The following GH1 variants were observed in gnomAD, a reference collection of about 807,000 sequenced individuals.
GH1 encodes the protein somatotropin.
GH1 carries 13 observed loss-of-function variants against 24.5 expected under a neutral mutation model. The observed-to-expected ratio is 0.53, with a 90% CI of 0.35 to 0.85. GH1 has a LOEUF of 0.85. Among genes scored for constraint, GH1 ranks in the 40% least tolerant of loss-of-function variants. The probability of loss-of-function intolerance (pLI) is 0.01; values close to 1 mark genes in which losing one functional copy is unlikely to be tolerated. For synonymous variants in GH1, 126 were observed against 116.3 expected (o/e 1.08, Z -0.54); for missense variants, 294 against 273.2 (o/e 1.08, Z -0.54).
Position 63,918,367 on chromosome 17 carries a change from G to A in GH1, c.150C>T (p.Ala50=). Residue 50 remains alanine, a synonymous_variant, in exon 2 of 5, where the codon GCC becomes GCT. Transcript: ENST00000323322. ...MLRAHRLHQL[A]FDTYQEFEEA... ...TTACAAACTCCTGGTAGGTGTCAAA[G>A]GCCAGCTGGTGCAGACGATGGGCGC... The A allele has an allele frequency of 1.2e-6, 2 of 1,614,202 alleles. No homozygotes were observed. The highest frequency in any genetic ancestry group is 1.7e-6 in the Non-Finnish European group (2 of 1,180,030).
rs756208586 is a variant in GH1, at chr17:63,917,951, G to A, written c.292-27C>T. 6.8e-6 allele frequency: 11 copies of A among 1,614,098 alleles called. No homozygotes were observed. In the African/African-American group the frequency reaches 1.5e-4, roughly 22 times the overall value. ...TGCAGGGGAAGGACGGGCATTGGCT[G>A]TGCTGCCCGGGGGCTCTGACTACAG... On this transcript the variant is annotated intron_variant, in intron 3 of 4. Coordinates refer to ENST00000323322, the MANE Select transcript of GH1 (RefSeq NM_000515.5).
chr17:63,918,405 T>C lies in GH1; in HGVS notation c.112A>G (p.Asn38Asp). 3 of 1,614,098 alleles carry C rather than the reference T, an allele frequency of 1.9e-6. No homozygotes were observed. The highest frequency in any genetic ancestry group is 1.7e-6 in the Non-Finnish European group (2 of 1,180,018). The part of the protein sequence containing the change: ...PTIPLSRLFD[N>D]AMLRAHRLHQ... ...AGACGATGGGCGCGGAGCATAGCGT[T>C]GTCAAAAAGCCTGGATAAGGGAATG... Residue 38 changes from asparagine to aspartate, a missense_variant, in exon 2 of 5, where the codon AAC becomes GAC. Coordinates refer to ENST00000323322, the MANE Select transcript of GH1 (RefSeq NM_000515.5).
Position 63,918,148 on chromosome 17 carries a change from A to G in GH1, c.172-12T>C. 6.2e-7 allele frequency: 1 copy of G among 1,613,742 alleles called. No homozygotes were observed. The highest frequency in any genetic ancestry group is 1.1e-5 in the South Asian group (1 of 91,044). ...ATATAGGCTTCTTCCTAGGAGAAGGACCGCCCACCAAGGTCTACGCTGGAG... is the reference window on the plus strand; with the variant it reads ...ATATAGGCTTCTTCCTAGGAGAAGGGCCGCCCACCAAGGTCTACGCTGGAG... On this transcript the variant is annotated splice_polypyrimidine_tract_variant and intron_variant, in intron 2 of 4. Transcript: ENST00000323322.
intron 2 of GH1, 65 bp downstream of exon 2, chr17:63,918,281 T>C: frequency 1.2e-6 from 2 of 1,611,562 alleles, no homozygotes; most frequent in Non-Finnish European, 1.7e-6. Flanking sequence ...TCCTCTTATT[T>C]CCCAGCGGGG....
At chr17:63,918,307 C>T (rs999337277) in intron 2 of GH1, 39 bp downstream of exon 2, 22 of 1,613,410 alleles carry the variant, frequency 1.4e-5, no homozygotes, top group Middle Eastern at 1.6e-4. Context: ...TCACCCCTTC[C>T]TGCCACCCCT....
intron 2 of GH1, 94 bp downstream of exon 2, chr17:63,918,252 C>T: frequency 6.2e-7 from 1 of 1,610,984 alleles, no homozygotes; most frequent in South Asian, 1.1e-5. Context: ...CGGGAAAAAC[C>T]CTGAGCTCCT....
intron 1 of GH1, 27 bp downstream of exon 1, chr17:63,918,740 G>A (rs1368298197): frequency 6.2e-7 from 1 of 1,613,874 alleles, no homozygotes; most frequent in Non-Finnish European, 8.5e-7. Context: ...GACACATTGT[G>A]CCCAAAGGGA....
chr17:63,917,741 C>A lies in GH1; in HGVS notation c.456+19G>T, dbSNP rs61735351. The A allele has an allele frequency of 4.6e-3, 7,381 of 1,614,140 alleles. 273 individuals are homozygous for A. The African/African-American group carries it at 0.086, about 19-fold the overall frequency. ...GTCAGTGGGGCTCCAGGATTGGGGACCCCTGGCGCCACCCTCACCCCCATC... is the reference window on the plus strand; with the variant it reads ...GTCAGTGGGGCTCCAGGATTGGGGAACCCTGGCGCCACCCTCACCCCCATC... On this transcript the variant is annotated intron_variant, in intron 4 of 4. Coordinates refer to ENST00000323322, the MANE Select transcript of GH1 (RefSeq NM_000515.5).
chr17:63,918,653 G>A (rs1210783318), intron 1 of GH1, 114 bp downstream of exon 1: 28 of 1,609,916 alleles, frequency 1.7e-5, no homozygotes, highest in Middle Eastern at 2.2e-4. Flanking sequence ...CTTACATGGC[G>A]ATACTCACAT....
In GH1 at chr17:63,917,856, C is replaced by T. The variant is rs1907443762; in HGVS notation, c.360G>A (p.Arg120=). The change falls in exon 4 of 5, where the codon AGG becomes AGA. Residue 120 remains arginine, a synonymous_variant. Transcript: ENST00000323322. ...ACACCAGGCTGTTGGCGAAGACACT[C>T]CTGAGGAACTGCACGGGCTCCAGCC... ...QSWLEPVQFL[R]SVFANSLVYG... is the part of the protein sequence containing the mutation. 3 of 1,614,174 alleles carry T rather than the reference C, an allele frequency of 1.9e-6. No individual in the cohort carries two copies. In the East Asian group the frequency reaches 6.7e-5, roughly 36 times the overall value.
In GH1 at chr17:63,918,803, C is replaced by A. The variant is rs754099689; in HGVS notation, c.-27G>T. On this transcript the variant is annotated 5_prime_UTR_variant, in exon 1 of 5. Transcript: ENST00000323322. ...GCAGCTAGGTGAGCTGTCCACAGGA[C>A]CCTGAGTGGTTCGGGGAGTTGGGCC... 7.4e-5 allele frequency: 120 copies of A among 1,613,856 alleles called. No individual in the cohort carries two copies. The highest frequency in any genetic ancestry group is 2.3e-5 in the Non-Finnish European group (27 of 1,179,872).
Position 63,917,774 on chromosome 17 carries a change from G to C in GH1, c.442C>G (p.Gln148Glu), listed in dbSNP as rs1392313432. 1.2e-6 allele frequency: 2 copies of C among 1,614,204 alleles called. No homozygotes were observed. The highest frequency in any genetic ancestry group is 1.1e-5 in the South Asian group (1 of 91,076). The change falls in exon 4 of 5, where the codon CAA becomes GAA. Residue 148 changes from glutamine (Q) to glutamate (E), a missense_variant. Transcript: ENST00000323322. ...DLLKDLEEGI[Q>E]TLMGRLEDGS... ...GCCACCCTCACCCCCATCAGCGTTT[G>C]GATGCCTTCCTCTAGGTCCTTTAGG...
rs377027593 is a variant in GH1, at chr17:63,917,870, C to T, written c.346G>A (p.Val116Met). 8.1e-6 allele frequency: 13 copies of T among 1,614,036 alleles called. No homozygotes were observed. The highest frequency in any genetic ancestry group is 5.3e-5 in the African/African-American group (4 of 74,908). ...GCGAAGACACTCCTGAGGAACTGCA[C>T]GGGCTCCAGCCACGACTGGATGAGC... ...LLLIQSWLEP[V>M]QFLRSVFANS... is the part of the protein sequence containing the mutation. Residue 116 changes from valine (V) to methionine (M), a missense_variant, in exon 4 of 5, where the codon GTG becomes ATG. By Grantham distance (21) the Val-to-Met change is conservative. Transcript: ENST00000323322.
Position 63,917,670 on chromosome 17 carries a change from A to T in GH1, c.456+90T>A, listed in dbSNP as rs2665802. On this transcript the variant is annotated intron_variant, in intron 4 of 4. Transcript: ENST00000323322. ...GTGAGTTCTCTTGGGTCAGGGCCTG[A>T]CTGCTAAAAAGAGGGCAGCAGTGTT... The T allele has an allele frequency of 0.39, 624,579 of 1,613,692 alleles. 125,177 individuals carry two copies. The highest frequency in any genetic ancestry group is 0.41 in the East Asian group (18,525 of 44,880).
chr17:63,918,770 T>G lies in GH1; in HGVS notation c.7A>C (p.Thr3Pro), dbSNP rs2001345. Residue 3 changes from threonine to proline, a missense_variant, in exon 1 of 5, where the codon ACA becomes CCA. By Grantham distance (38) the Thr-to-Pro change is conservative. Coordinates refer to ENST00000323322, the MANE Select transcript of GH1 (RefSeq NM_000515.5). MA[T>P]GSRTSLLLAF... ...AAGGGATTTTAGGGGCGCTTACCTG[T>G]AGCCATTGCAGCTAGGTGAGCTGTC... The G allele has an allele frequency of 2.8e-4, 453 of 1,613,062 alleles. No homozygotes were observed. Among genetic ancestry groups the G allele is most frequent in the East Asian group, 4.7e-4 (21 of 44,886 alleles).
Position 63,917,829 on chromosome 17 carries a change from G to C in GH1, c.387C>G (p.Tyr129Ter). The C allele has an allele frequency of 1.2e-6, 2 of 1,614,132 alleles. No homozygotes were observed. The highest frequency in any genetic ancestry group is 1.7e-6 in the Non-Finnish European group (2 of 1,180,024). The change falls in exon 4 of 5, where the codon TAC becomes TAG. Residue 129 changes from tyrosine (Y) to a stop codon, truncating the protein, a stop_gained. Transcript: ENST00000323322. LOFTEE classifies it high-confidence loss of function. ...CATAGACGTTGCTGTCAGAGGCGCC[G>C]TACACCAGGCTGTTGGCGAAGACAC... ...LRSVFANSLV[Y>*]GASDSNVYDL...
chr17:63,918,636 T>C (rs1907540923), intron 1 of GH1, 130 bp from the exon 2 acceptor site: 5 of 1,609,402 alleles, frequency 3.1e-6, no homozygotes, highest in South Asian at 1.1e-5. Context: ...ATTGGCCAAA[T>C]ACTGGGCTTA....
In GH1 at chr17:63,918,287, C is replaced by A. The variant is rs375725928; in HGVS notation, c.171+59G>T. The A allele has an allele frequency of 4.7e-5, 76 of 1,610,488 alleles. 2 individuals are homozygous for A. In the African/African-American group the frequency reaches 5.2e-4, roughly 11 times the overall value. On this transcript the variant is annotated intron_variant, in intron 2 of 4. Transcript: ENST00000323322. Reference sequence around the variant, plus strand: ...TTAGTCTCCTCCTCTTATTTCCCAGCGGGGGAAAGTCACCCCTTCCTGCCA... The same window carrying A: ...TTAGTCTCCTCCTCTTATTTCCCAGAGGGGGAAAGTCACCCCTTCCTGCCA...
rs754207595 is a variant in GH1 at position 63,918,451 on chromosome 17, T to C, written c.66A>G (p.Gln22=). 42 of 1,614,018 alleles carry C rather than the reference T, an allele frequency of 2.6e-5. No homozygotes were observed. Among genetic ancestry groups the C allele is most frequent in the Middle Eastern group, 1.6e-4 (1 of 6,084 alleles). ...GAATGGTTGGGAAGGCACTGCCCTCTTGAAGCCAGGGCAGGCAGAGCAGGC... is the reference window on the plus strand; with the variant it reads ...GAATGGTTGGGAAGGCACTGCCCTCCTGAAGCCAGGGCAGGCAGAGCAGGC... The part of the protein sequence containing the change: ...AFGLLCLPWL[Q]EGSAFPTIPL... The change falls in exon 2 of 5, where the codon CAA becomes CAG. Residue 22 remains glutamine (Q), a synonymous_variant. Transcript: ENST00000323322.
Sources: allele counts gnomAD v4.1 joint callset, GRCh38; gene constraint gnomAD v4.1.1; transcripts MANE v1.5; gene names NCBI Gene and HGNC (gene_info 2026-07-23, HGNC 2026-07-21).